Variants in FMO5 observed in about 807,000 individuals in gnomAD.
The protein encoded by FMO5 is flavin containing dimethylaniline monoxygenase 5, also known as flavin-containing monooxygenase 5.
A neutral mutation model predicts 43.6 loss-of-function variants in FMO5; 51 were observed. The ratio of observed to expected loss-of-function variants is 1.17; its 90% CI spans 0.93 to 1.48. FMO5 has a LOEUF of 1.48. Among genes scored for constraint, FMO5 ranks in the 40% most tolerant of loss-of-function variants. The pLI, the probability that FMO5 is intolerant of heterozygous loss-of-function variation, is 0.00. For synonymous variants in FMO5, 187 were observed against 216.5 expected, an observed-to-expected ratio of 0.86 and a Z score of 1.20; for missense variants, 644 against 643.0, an observed-to-expected ratio of 1.00 and a Z score of -0.02.
At position 147,186,870 on chromosome 1, in the gene FMO5, A is replaced by G. The variant is rs782645169; in HGVS notation, c.*30T>C. ...AAGGCATCTGTAGATAAGCTTCCCAATGAAAAACAGGGCAGTGACAATAGG... is the reference window on the plus strand; with the variant it reads ...AAGGCATCTGTAGATAAGCTTCCCAGTGAAAAACAGGGCAGTGACAATAGG... On this transcript the variant is annotated 3_prime_UTR_variant, in exon 9 of 9. Coordinates refer to ENST00000254090, the MANE Select transcript of FMO5 (RefSeq NM_001461.4). The G allele has an allele frequency of 1.9e-5, 30 of 1,583,220 alleles. No homozygotes were observed. Among genetic ancestry groups the G allele is most frequent in the African/African-American group, 1.1e-4 (8 of 74,040 alleles).
chr1:147,212,403 G>A lies in FMO5; in HGVS notation c.620C>T (p.Thr207Ile). ...TTGAGTGATTCAAACCTGCTTGGCT[G>A]TTTGGCTAATCTCTACAGCCAGATC... ...GGDLAVEISQTAKQVFLSTRR... is the reference protein window; with the variant it reads ...GGDLAVEISQIAKQVFLSTRR... The change falls in exon 5 of 9, where the codon ACA (threonine) becomes ATA (isoleucine). Residue 207 changes from threonine (T) to isoleucine (I), a missense_variant. Coordinates refer to ENST00000254090, the MANE Select transcript of FMO5 (RefSeq NM_001461.4). 1 of 1,614,002 alleles carries A rather than the reference G, an allele frequency of 6.2e-7. No individual in the cohort carries two copies. The highest frequency in any genetic ancestry group is 8.5e-7 in the Non-Finnish European group (1 of 1,179,944).
At chr1:147,222,559 A>C (rs1316439206) in intron 2 of FMO5, among the ~76,000 whole-genome samples, 2 of 152,218 alleles carry the variant, frequency 1.3e-5, no homozygotes. Flanking sequence ...TTGTCTGCAC[A>C]TTGGAATCAT....
At chr1:147,201,596 G>A (rs6683215) in intron 6 of FMO5, 92 bp from the exon 7 acceptor site, 29,023 of 866,980 alleles carry the variant, frequency 0.033, 578 homozygotes, top group African/African-American at 0.047. Flanking sequence ...AGGTAAACAG[G>A]ATGCCAATAA....
chr1:147,194,261 A>G (rs1657502439), intron 7 of FMO5, among the ~76,000 whole-genome samples: 1 of 152,074 alleles, frequency 6.6e-6, no homozygotes, highest in South Asian at 2.1e-4. Context: ...CCATTATTTA[A>G]TGGCCTTCTT....
intron 7 of FMO5, among the ~76,000 whole-genome samples, chr1:147,193,696 G>A (rs1360332900): frequency 6.6e-6 from 1 of 152,040 alleles, no homozygotes; most frequent in East Asian, 1.9e-4. Context: ...CAGAGATTCT[G>A]GTATGTTGTG....
chr1:147,191,242 T>C (rs1478617906), intron 7 of FMO5, among the ~76,000 whole-genome samples: 1 of 152,058 alleles, frequency 6.6e-6, no homozygotes, highest in Admixed American at 6.5e-5. Context: ...AGTTCTAGAT[T>C]CCTGAGGAAT....
intron 8 of FMO5, 74 bp from the exon 9 acceptor site, chr1:147,187,319 G>A (rs1026278527): frequency 1.8e-6 from 2 of 1,103,854 alleles, no homozygotes; most frequent in Non-Finnish European, 2.6e-6. Flanking sequence ...TGCCTTCTGA[G>A]TGCCTGCTAT....
At chr1:147,187,540 G>A (rs782034146) in intron 8 of FMO5, among the ~76,000 whole-genome samples, 16 of 152,118 alleles carry the variant, frequency 1.1e-4, no homozygotes, top group Non-Finnish European at 1.9e-4. Flanking sequence ...GGATGTGAAA[G>A]ATACAGATAA....
At chr1:147,222,710 G>A (rs1163792301) in intron 2 of FMO5, among the ~76,000 whole-genome samples, 2 of 152,234 alleles carry the variant, frequency 1.3e-5, no homozygotes, top group South Asian at 2.1e-4. Flanking sequence ...CAAGGAAGCA[G>A]TTTACAAAGT....
intron 7 of FMO5, among the ~76,000 whole-genome samples, chr1:147,200,742 ATTTTAT>A (rs1658828066): frequency 6.6e-6 from 1 of 152,146 alleles, no homozygotes; most frequent in East Asian, 1.9e-4. Flanking sequence ...CTATTTCTAT[ATTTTAT>A]TTTTATCTAT....
In FMO5 at chr1:147,201,505, C is replaced by G. The variant is rs781910359; in HGVS notation, c.831-1G>C. 2.5e-6 allele frequency: 4 copies of G among 1,605,348 alleles called. No homozygotes were observed. The highest frequency in any genetic ancestry group is 1.7e-4 in the Middle Eastern group (1 of 6,058). On this transcript the variant is annotated splice_acceptor_variant, in intron 6 of 8. Coordinates refer to ENST00000254090, the MANE Select transcript of FMO5 (RefSeq NM_001461.4). LOFTEE classifies it high-confidence loss of function. Reference sequence around the variant, plus strand: ...TAAGGTTGGATGCTGACTCAGAGCTCTGTGAGTCGTGACAAAGATCAAGTG... The same window carrying G: ...TAAGGTTGGATGCTGACTCAGAGCTGTGTGAGTCGTGACAAAGATCAAGTG...
At chr1:147,218,383 G>T (rs1301582569) in intron 2 of FMO5, among the ~76,000 whole-genome samples, 1 of 151,206 alleles carries the variant, frequency 6.6e-6, no homozygotes, top group Admixed American at 6.6e-5. Flanking sequence ...CTACAGGCAC[G>T]CGCCACTATG....
At chr1:147,215,027 G>A (rs1357405155) in intron 3 of FMO5, 3 of 152,206 alleles carry the variant, frequency 2.0e-5, no homozygotes, top group African/African-American at 7.2e-5. Context: ...CAGAAGGTTT[G>A]GGCTTTTTGC....
At chr1:147,217,184 GAC>G (rs1367042905) in intron 2 of FMO5, among the ~76,000 whole-genome samples, 2 of 151,658 alleles carry the variant, frequency 1.3e-5, no homozygotes, top group Non-Finnish European at 2.9e-5. Context: ...AGGTTGCGGT[GAC>G]AGAGATAGCG....
chr1:147,200,430 G>A (rs28381213), intron 7 of FMO5, among the ~76,000 whole-genome samples: 1,917 of 151,966 alleles, frequency 0.013, 42 homozygotes, highest in African/African-American at 0.044. Context: ...CTTATTAAAC[G>A]CACTCCAGCT....
At chr1:147,214,027 G>C (rs1334822228) in intron 3 of FMO5, among the ~76,000 whole-genome samples, 1 of 152,122 alleles carries the variant, frequency 6.6e-6, no homozygotes, top group African/African-American at 2.4e-5. Flanking sequence ...AAAGAAAGAG[G>C]CTGTGAAACA....
At chr1:147,217,677 C>A (rs1267471060) in intron 2 of FMO5, among the ~76,000 whole-genome samples, 3 of 152,162 alleles carry the variant, frequency 2.0e-5, no homozygotes, top group African/African-American at 7.2e-5. Flanking sequence ...TTTCATAAGA[C>A]TCCTTTGAAG....
chr1:147,214,483 A>G (rs587692098), intron 3 of FMO5, among the ~76,000 whole-genome samples: 1 of 150,656 alleles, frequency 6.6e-6, no homozygotes, highest in East Asian at 1.9e-4. Flanking sequence ...AAAAAGAGAG[A>G]CAAACCACCC....
intron 8 of FMO5, among the ~76,000 whole-genome samples, chr1:147,189,865 C>A (rs1174526160): frequency 3.3e-5 from 5 of 152,146 alleles, no homozygotes; most frequent in Non-Finnish European, 5.9e-5. Context: ...ACTAGCACTT[C>A]AAGTAATCCT....
Sources: allele counts gnomAD v4.1 joint callset (sites outside exome capture counted in the v4.1 genomes callset), GRCh38; gene constraint gnomAD v4.1.1; transcripts MANE v1.5; gene names NCBI Gene and HGNC (gene_info 2026-07-23, HGNC 2026-07-21).